The following ATAD2B variants were observed in gnomAD, a reference collection of about 807,000 sequenced individuals.
The protein encoded by ATAD2B is ATPase family AAA domain containing 2B, also known as ATPase family AAA domain-containing protein 2B.
Under a neutral mutation model 167.6 loss-of-function variants are expected in ATAD2B, and 40 were observed. The ratio of observed to expected loss-of-function variants is 0.24; its 90% confidence interval spans 0.19 to 0.31. The LOEUF is 0.31. Ranked by LOEUF, ATAD2B falls within the 10% of genes least tolerant of loss-of-function variation. The probability of loss-of-function intolerance (pLI) is 1.00; values close to 1 mark genes in which losing one functional copy is unlikely to be tolerated. For missense variants in ATAD2B, 1,242 were observed against 1,757.2 expected, an observed-to-expected ratio of 0.71 and a Z score of 5.24; for synonymous variants, 579 against 596.5, an observed-to-expected ratio of 0.97 and a Z score of 0.43.
At chr2:23,908,623 C>T (rs1009947316) in intron 1 of ATAD2B, among the ~76,000 whole-genome samples, 11 of 152,236 alleles carry the variant, frequency 7.2e-5, no homozygotes, top group African/African-American at 2.6e-4. Context: ...TTGACTCAGC[C>T]ATCCCATTAC....
intron 1 of ATAD2B, among the ~76,000 whole-genome samples, chr2:23,909,869 GT>G (rs200346510): frequency 6.6e-6 from 1 of 150,568 alleles, no homozygotes; most frequent in East Asian, 1.9e-4. Flanking sequence ...GTTTGTTTTT[GT>G]TTTTTTTGGT....
chr2:23,785,124 T>C (rs1417411188), intron 21 of ATAD2B, among the ~76,000 whole-genome samples: 1 of 152,122 alleles, frequency 6.6e-6, no homozygotes, highest in Non-Finnish European at 1.5e-5. Flanking sequence ...ATGTAAATGC[T>C]AGCTCATTCT....
chr2:23,794,622 A>G (rs550966588), intron 19 of ATAD2B, among the ~76,000 whole-genome samples: 2 of 152,272 alleles, frequency 1.3e-5, no homozygotes, highest in East Asian at 3.9e-4. Flanking sequence ...CTATATGCAT[A>G]TTTATTTAAA....
the ATAD2B span, among the ~76,000 whole-genome samples, chr2:23,729,259 T>C: frequency 6.6e-6 from 1 of 152,198 alleles, no homozygotes; most frequent in African/African-American, 2.4e-5. Context: ...TGGACTGAGC[T>C]CCTGTCCTAA....
chr2:23,797,356 A>C (rs1020771385), intron 19 of ATAD2B, among the ~76,000 whole-genome samples: 7 of 152,086 alleles, frequency 4.6e-5, no homozygotes, highest in Non-Finnish European at 8.8e-5. Context: ...TTTTTTCTGA[A>C]TCAACTATGA....
intron 8 of ATAD2B, among the ~76,000 whole-genome samples, chr2:23,874,886 C>G (rs925574208): frequency 3.3e-5 from 5 of 150,864 alleles, no homozygotes; most frequent in African/African-American, 1.2e-4. Flanking sequence ...GAAATCCCAT[C>G]TCTACTAAAA....
the ATAD2B span, among the ~76,000 whole-genome samples, chr2:23,737,985 G>C: frequency 4.6e-5 from 7 of 152,286 alleles, no homozygotes; most frequent in African/African-American, 1.4e-4. Flanking sequence ...GAAGCGAGAA[G>C]AGAAGTTTAG....
intron 21 of ATAD2B, 55 bp downstream of exon 21, chr2:23,785,953 TCCAAAAAAAGATGTCAATA>T: frequency 7.4e-7 from 1 of 1,351,298 alleles, no homozygotes. Flanking sequence ...TTTTTTTCCT[TCCAAAAAAAGATGTCAATA>T]TTTTTTTCTT....
Position 23,782,983 on chromosome 2 carries a change from T to C in ATAD2B, c.3019A>G (p.Thr1007Ala). ...EVIKEPMDLS[T>A]VITKIDKHNY... is the part of the protein sequence containing the mutation. ...TGTTTATCAATTTTAGTTATTACTG[T>C]TGATAAGTCCATTGGTTCCTTGATT... Residue 1007 changes from threonine to alanine, a missense_variant, in exon 22 of 28, where the codon ACA becomes GCA. Thr to Ala is a moderately conservative substitution (Grantham distance 58, BLOSUM62 0). Transcript: ENST00000238789. The C allele has an allele frequency of 1.3e-6, 2 of 1,578,640 alleles. No homozygotes were observed. Among genetic ancestry groups the C allele is most frequent in the Non-Finnish European group, 1.7e-6 (2 of 1,149,472 alleles).
At chr2:23,779,253 G>C (rs1261210438) in intron 22 of ATAD2B, among the ~76,000 whole-genome samples, 1 of 138,142 alleles carries the variant, frequency 7.2e-6, no homozygotes, top group Admixed American at 8.2e-5. Flanking sequence ...TCAGCTCACT[G>C]CAAGCTCCGC....
chr2:23,793,902 T>C (rs1682203841), intron 19 of ATAD2B, among the ~76,000 whole-genome samples: 1 of 152,202 alleles, frequency 6.6e-6, no homozygotes, highest in Non-Finnish European at 1.5e-5. Flanking sequence ...CCATTAGATA[T>C]TAACACTAAC....
intron 1 of ATAD2B, among the ~76,000 whole-genome samples, chr2:23,918,498 T>C (rs1703410551): frequency 6.6e-6 from 1 of 152,084 alleles, no homozygotes; most frequent in Non-Finnish European, 1.5e-5. Context: ...AAAAACAATC[T>C]CTGTACAATA....
At chr2:23,843,223 G>C (rs1365245665) in intron 13 of ATAD2B, among the ~76,000 whole-genome samples, 2 of 152,200 alleles carry the variant, frequency 1.3e-5, no homozygotes, top group African/African-American at 4.8e-5. Context: ...AAAAAAATGT[G>C]TTGGATGAAC....
intron 12 of ATAD2B, among the ~76,000 whole-genome samples, chr2:23,861,487 A>C (rs1470007213): frequency 1.3e-5 from 2 of 151,930 alleles, no homozygotes; most frequent in Non-Finnish European, 2.9e-5. Flanking sequence ...TTAAAAAAAA[A>C]AAAAAAAATC....
chr2:23,882,018 AT>A (rs1697981309), intron 6 of ATAD2B, among the ~76,000 whole-genome samples: 1 of 150,364 alleles, frequency 6.7e-6, no homozygotes, highest in African/African-American at 2.4e-5. Context: ...CCAAAATATT[AT>A]TTTTTAAAAA....
intron 1 of ATAD2B, among the ~76,000 whole-genome samples, chr2:23,915,110 T>C (rs2150587035): frequency 6.6e-6 from 1 of 152,272 alleles, no homozygotes; most frequent in Non-Finnish European, 1.5e-5. Flanking sequence ...CCCTACAAAG[T>C]ACTATGTAGC....
intron 11 of ATAD2B, among the ~76,000 whole-genome samples, chr2:23,864,006 G>C (rs994651572): frequency 6.6e-6 from 1 of 151,100 alleles, no homozygotes; most frequent in Non-Finnish European, 1.5e-5. Context: ...GCCTATATGT[G>C]TATCTTCTGA....
chr2:23,775,250 CT>C (rs1356527892), intron 22 of ATAD2B, among the ~76,000 whole-genome samples: 1 of 144,808 alleles, frequency 6.9e-6, no homozygotes, highest in Non-Finnish European at 1.5e-5. Context: ...TTGTCTTGCT[CT>C]GTCTCCAGGC....
intron 22 of ATAD2B, among the ~76,000 whole-genome samples, chr2:23,776,603 C>A (rs1246084848): frequency 2.0e-5 from 3 of 152,172 alleles, no homozygotes; most frequent in African/African-American, 7.2e-5. Context: ...TTTTTTCATA[C>A]CTCTGTTTCC....
Sources: gnomAD v4.1 joint callset for allele counts (sites outside exome capture counted in the v4.1 genomes callset) on GRCh38, gnomAD v4.1.1 for gene constraint, MANE v1.5 for transcripts, NCBI Gene and HGNC (gene_info 2026-07-23, HGNC 2026-07-21) for gene names.